METTL24: variants seen among roughly 807,000 people sequenced by gnomAD.
METTL24 encodes the protein probable methyltransferase-like protein 24.
METTL24 carries 29 observed loss-of-function variants against 32.7 expected under a neutral mutation model. The observed-to-expected ratio is 0.89, with a 90% CI of 0.66 to 1.21. METTL24 has a LOEUF of 1.21. METTL24 is among the 50% of genes most tolerant of loss of function. The probability of loss-of-function intolerance (pLI) is 0.00; values close to 1 mark genes in which losing one functional copy is unlikely to be tolerated. For synonymous variants in METTL24, 163 were observed against 179.5 expected (o/e 0.91, Z 0.73); for missense variants, 439 against 468.1 (o/e 0.94, Z 0.57).
chr6:110,315,082 G>T (rs1034057610), intron 3 of METTL24, among the ~76,000 whole-genome samples: 2 of 152,032 alleles, frequency 1.3e-5, no homozygotes, highest in Non-Finnish European at 2.9e-5. Context: ...TCACCAAGAG[G>T]TTTATCCACA....
chr6:110,287,258 T>C (rs1276037161), intron 4 of METTL24, among the ~76,000 whole-genome samples: 2 of 152,162 alleles, frequency 1.3e-5, no homozygotes, highest in Non-Finnish European at 2.9e-5. Flanking sequence ...AAATGTTGAG[T>C]TCGGAAGTTC....
chr6:110,291,135 T>C (rs1406282243), intron 4 of METTL24, among the ~76,000 whole-genome samples: 5 of 152,174 alleles, frequency 3.3e-5, no homozygotes, highest in Non-Finnish European at 4.4e-5. Flanking sequence ...ATGAATATTT[T>C]CTCCTAGTTT....
chr6:110,343,383 A>G (rs969776268), intron 1 of METTL24, among the ~76,000 whole-genome samples: 2 of 152,252 alleles, frequency 1.3e-5, no homozygotes, highest in African/African-American at 4.8e-5. Context: ...TGAACATATA[A>G]TGAGTGCTTC....
chr6:110,263,282 C>A (rs1357535559), intron 4 of METTL24, among the ~76,000 whole-genome samples: 1 of 152,162 alleles, frequency 6.6e-6, no homozygotes, highest in Non-Finnish European at 1.5e-5. Context: ...TCTCAGGATA[C>A]AAAATCAATG....
chr6:110,266,672 C>A (rs1336438244), intron 4 of METTL24, among the ~76,000 whole-genome samples: 1 of 152,078 alleles, frequency 6.6e-6, no homozygotes, highest in Non-Finnish European at 1.5e-5. Flanking sequence ...TGGTCACTTC[C>A]TTTGGGCTGA....
Position 110,253,886 on chromosome 6 carries a change from G to C in METTL24, c.787-7626C>G, listed in dbSNP as rs141722089. ...CCTCTAAAATTTTCTCTCAAACAGA[G>C]TCCCTCAGAGCTTTCAGAATCTGAA... On this transcript the variant is annotated intron_variant, in intron 4 of 4. Transcript: ENST00000338882. 4.1e-4 allele frequency: 598 copies of C among 1,443,284 alleles called. 4 individuals are homozygous for C. In the African/African-American group the frequency reaches 6.4e-3, roughly 16 times the overall value. 89.4% of individuals were successfully genotyped at this position (1,443,284 alleles called of 1,614,324 possible).
chr6:110,268,545 G>C (rs1770900229), intron 4 of METTL24, among the ~76,000 whole-genome samples: 1 of 152,140 alleles, frequency 6.6e-6, no homozygotes, highest in Non-Finnish European at 1.5e-5. Flanking sequence ...GCCATTCCTG[G>C]GGGTAAGCGG....
chr6:110,336,967 C>T (rs1772248017), intron 1 of METTL24, among the ~76,000 whole-genome samples: 1 of 152,096 alleles, frequency 6.6e-6, no homozygotes, highest in Non-Finnish European at 1.5e-5. Context: ...AAGACACATG[C>T]ACGTGAATGT....
chr6:110,287,621 A>G (rs912717656), intron 4 of METTL24, among the ~76,000 whole-genome samples: 1 of 152,208 alleles, frequency 6.6e-6, no homozygotes, highest in East Asian at 1.9e-4. Context: ...CTGAAACATC[A>G]GGAGCTAAGG....
intron 4 of METTL24, among the ~76,000 whole-genome samples, chr6:110,251,971 C>A (rs1778288164): frequency 6.6e-6 from 1 of 151,940 alleles, no homozygotes; most frequent in Admixed American, 6.6e-5. Flanking sequence ...TGGCGAAATC[C>A]CTTCTCTACT....
intron 1 of METTL24, among the ~76,000 whole-genome samples, chr6:110,325,714 G>T (rs1364486659): frequency 6.6e-6 from 1 of 152,194 alleles, no homozygotes; most frequent in African/African-American, 2.4e-5. Flanking sequence ...TTTGAAGGGT[G>T]AGAAAAATGG....
At position 110,259,232 on chromosome 6, in the gene METTL24, A is replaced by G. The variant is rs149811095; in HGVS notation, c.787-12972T>C. ...CCTTTCCTAGCCAAGGAAAAGGGTG[A>G]CAGACGGCACCTGGAAAATCAGGTC... On this transcript the variant is annotated intron_variant, in intron 4 of 4. Transcript: ENST00000338882. Among the ~76,000 whole-genome samples, 244 of 152,286 alleles carry G rather than the reference A, an allele frequency of 1.6e-3. 3 individuals carry two copies. Among genetic ancestry groups the G allele is most frequent in the African/African-American group, 5.5e-3 (229 of 41,556 alleles).
At position 110,278,788 on chromosome 6, in the gene METTL24, G is replaced by A. The variant is rs545093348; in HGVS notation, c.786+20134C>T. On this transcript the variant is annotated intron_variant, in intron 4 of 4. Coordinates refer to ENST00000338882, the MANE Select transcript of METTL24 (RefSeq NM_001123364.3). ...TGAAACACTAACACTTTGGGAGGCC[G>A]AAGTGGGAAGATCACTTGAGCCCAG... 3.9e-5 allele frequency among the ~76,000 whole-genome samples: 6 copies of A among 152,272 alleles called. No individual in the cohort carries two copies. The South Asian group carries it at 6.2e-4, about 16-fold the overall frequency.
At chr6:110,272,398 T>G (rs1272056429) in intron 4 of METTL24, among the ~76,000 whole-genome samples, 1 of 152,218 alleles carries the variant, frequency 6.6e-6, no homozygotes, top group African/African-American at 2.4e-5. Context: ...TGGTTCCATA[T>G]TTTTGCAATC....
rs149778008 is a variant in METTL24, at chr6:110,315,104, G to C, written c.557+238C>G. Among the ~76,000 whole-genome samples the C allele has an allele frequency of 1.2e-3, 175 of 152,154 alleles. 1 individual carries two copies. Among genetic ancestry groups the C allele is most frequent in the African/African-American group, 3.8e-3 (159 of 41,494 alleles). ...GAGGTTTATCCACATGATGAGAACG[G>C]GGGCTTCCAACTTGCTATCAGCAGA... On this transcript the variant is annotated intron_variant, in intron 3 of 4. Transcript: ENST00000338882.
At chr6:110,303,037 G>A (rs1055840210) in intron 3 of METTL24, among the ~76,000 whole-genome samples, 4 of 151,840 alleles carry the variant, frequency 2.6e-5, no homozygotes, top group African/African-American at 7.3e-5. Flanking sequence ...GTGGGGCGTC[G>A]CTTCACCCAG....
chr6:110,297,408 G>GA (rs1185074557), intron 4 of METTL24, among the ~76,000 whole-genome samples: 3 of 152,020 alleles, frequency 2.0e-5, no homozygotes, highest in Non-Finnish European at 2.9e-5. Flanking sequence ...TATTATTGGG[G>GA]AAAAAAATAA....
chr6:110,316,079 A>G (rs561492247), intron 2 of METTL24, among the ~76,000 whole-genome samples: 8 of 152,302 alleles, frequency 5.3e-5, no homozygotes, highest in African/African-American at 1.9e-4. Context: ...GTCAAGTGAA[A>G]GTAATAGGCA....
Position 110,302,568 on chromosome 6 carries a change from C to CACACACATATGTGTATATATACACAT in METTL24, c.558-3419_558-3418insATGTGTATATATACACATATGTGTGT, listed in dbSNP as rs1562230951. On this transcript the variant is annotated intron_variant, in intron 3 of 4. Coordinates refer to ENST00000338882, the MANE Select transcript of METTL24 (RefSeq NM_001123364.3). The stretch of plus-strand genomic sequence containing the variant: ...ACACACATATGTGTATATATACACA[C>CACACACATATGTGTATATATACACAT]ATACACACACATATGTGTATATATA... Among the ~76,000 whole-genome samples the CACACACATATGTGTATATATACACAT allele has an allele frequency of 4.2e-5, 4 of 95,950 alleles. 2 individuals are homozygous for CACACACATATGTGTATATATACACAT. Among genetic ancestry groups the CACACACATATGTGTATATATACACAT allele is most frequent in the Non-Finnish European group, 7.6e-5 (4 of 52,490 alleles). 62.9% of individuals were successfully genotyped at this position (95,950 alleles called of 152,430 possible).
Sources: gnomAD v4.1 joint callset for allele counts (sites outside exome capture counted in the v4.1 genomes callset) on GRCh38, gnomAD v4.1.1 for gene constraint, MANE v1.5 for transcripts, NCBI Gene and HGNC (gene_info 2026-07-23, HGNC 2026-07-21) for gene names.